The following ST8SIA3 variants were observed in gnomAD, a reference collection of about 807,000 sequenced individuals.
The protein encoded by ST8SIA3 is ST8 alpha-N-acetyl-neuraminide alpha-2,8-sialyltransferase 3, also known as alpha-N-acetylneuraminate alpha-2,8-sialyltransferase ST8SIA3.
A neutral mutation model predicts 34.5 loss-of-function variants in ST8SIA3; 17 were observed. The observed-to-expected ratio is 0.49, with a 90% CI of 0.34 to 0.74. The LOEUF is 0.74. ST8SIA3 is among the 30% of genes least tolerant of loss of function. The pLI, the probability that ST8SIA3 is intolerant of heterozygous loss-of-function variation, is 0.01. For synonymous variants in ST8SIA3, 172 were observed against 176.1 expected (o/e 0.98, Z 0.19); for missense variants, 354 against 467.8 (o/e 0.76, Z 2.24).
chr18:57,356,019 A>G (rs143490583), intron 2 of ST8SIA3, among the ~76,000 whole-genome samples: 77 of 152,362 alleles, frequency 5.1e-4, no homozygotes, highest in African/African-American at 1.7e-3. Context: ...GGCAAAAGTT[A>G]TAAGAAATTC....
chr18:57,357,316 A>C lies in ST8SIA3; in HGVS notation c.706A>C (p.Lys236Gln). Reference sequence around the variant, plus strand: ...CCGTAACAACTTTTTCCTCAGTTTAAAAAAGCTTGACGGGGCCATTCTTTG... The same window carrying C: ...CCGTAACAACTTTTTCCTCAGTTTACAAAAGCTTGACGGGGCCATTCTTTG... Reference protein sequence around the residue: ...QDRNNFFLSLKKLDGAILWIP... With the variant: ...QDRNNFFLSLQKLDGAILWIP... Residue 236 changes from lysine to glutamine, a missense_variant, in exon 3 of 4, where the codon AAA becomes CAA. By Grantham distance (53) the Lys-to-Gln change is moderately conservative (BLOSUM62 1). This residue lies in a region of ST8SIA3 where 166 missense variants were observed against 245.2 expected (regional missense o/e 0.68). Transcript: ENST00000324000. The C allele has an allele frequency of 6.2e-7, 1 of 1,614,020 alleles. No individual in the cohort carries two copies. The highest frequency in any genetic ancestry group is 1.1e-5 in the South Asian group (1 of 91,068).
In ST8SIA3 at chr18:57,366,083, G is replaced by A. The variant is rs1313605267; in HGVS notation, c.*5806G>A. The A allele has an allele frequency of 2.0e-5, 3 of 152,108 alleles. No individual in the cohort carries two copies. The highest frequency in any genetic ancestry group is 7.2e-5 in the African/African-American group (3 of 41,406). 9.4% of individuals were successfully genotyped at this position (152,108 alleles called of 1,614,324 possible). A position where few individuals can be genotyped will look rare whatever the true frequency, so the allele number is the denominator to read the frequency against. The stretch of plus-strand genomic sequence containing the variant: ...CAACCAGCTGAAAACACAACAATAT[G>A]TTTTCAAGAGCCAGTATAAGTTGGC... On this transcript the variant is annotated 3_prime_UTR_variant, in exon 4 of 4. Transcript: ENST00000324000.
In ST8SIA3 at chr18:57,352,941, C is replaced by A. The variant is rs2049773333; in HGVS notation, c.95C>A (p.Ser32Tyr). 1 of 1,613,424 alleles carries A rather than the reference C, an allele frequency of 6.2e-7. No homozygotes were observed. The highest frequency in any genetic ancestry group is 8.5e-7 in the Non-Finnish European group (1 of 1,179,944). Residue 32 changes from serine (S) to tyrosine (Y), a missense_variant, in exon 1 of 4, where the codon TCC becomes TAC. Ser to Tyr is a moderately radical substitution (Grantham distance 144). Coordinates refer to ENST00000324000, the MANE Select transcript of ST8SIA3 (RefSeq NM_015879.3). ...LLILSLISYV[S>Y]LKKENIFTTP... ...ATTTTATCGCTCATCAGCTACGTGTCCCTGAAAAAGGAGAACATCTTCACC... is the reference window on the plus strand; with the variant it reads ...ATTTTATCGCTCATCAGCTACGTGTACCTGAAAAAGGAGAACATCTTCACC...
intron 2 of ST8SIA3, among the ~76,000 whole-genome samples, chr18:57,356,634 T>TA (rs1225367355): frequency 6.6e-6 from 1 of 152,204 alleles, no homozygotes; most frequent in Non-Finnish European, 1.5e-5. Flanking sequence ...TCAAATAAGA[T>TA]ACACTCTTCA....
At position 57,364,027 on chromosome 18, in the gene ST8SIA3, G is replaced by C. The variant is rs1007373306; in HGVS notation, c.*3750G>C. ...AGAAAGTCTATAAAAGAGGAAAAAAGGTTCTCCTCTCCCTCCCAAAAATGA... is the reference window on the plus strand; with the variant it reads ...AGAAAGTCTATAAAAGAGGAAAAAACGTTCTCCTCTCCCTCCCAAAAATGA... On this transcript the variant is annotated 3_prime_UTR_variant, in exon 4 of 4. Coordinates refer to ENST00000324000, the MANE Select transcript of ST8SIA3 (RefSeq NM_015879.3). The C allele has an allele frequency of 6.6e-6, 1 of 152,090 alleles. No individual in the cohort carries two copies. Among genetic ancestry groups the C allele is most frequent in the Non-Finnish European group, 1.5e-5 (1 of 68,020 alleles). 9.4% of individuals were successfully genotyped at this position (152,090 alleles called of 1,614,324 possible).
chr18:57,356,690 A>C (rs1172022066), intron 2 of ST8SIA3, among the ~76,000 whole-genome samples: 4 of 152,354 alleles, frequency 2.6e-5, no homozygotes, highest in Admixed American at 1.3e-4. Context: ...TGTAAGTTGC[A>C]TTTACAAGCC....
At chr18:57,353,938 G>A (rs546669139) in intron 1 of ST8SIA3, among the ~76,000 whole-genome samples, 1 of 152,336 alleles carries the variant, frequency 6.6e-6, no homozygotes, top group East Asian at 1.9e-4. Flanking sequence ...GAAATCGGAC[G>A]TGGGTTTGGG....
chr18:57,354,627 A>C, intron 2 of ST8SIA3, 103 bp downstream of exon 2: 16 of 1,344,058 alleles, frequency 1.2e-5, no homozygotes, highest in East Asian at 4.8e-5. Flanking sequence ...AACAACAAAC[A>C]TCTATACGCC....
intron 3 of ST8SIA3, among the ~76,000 whole-genome samples, chr18:57,358,720 A>G (rs563286023): frequency 6.6e-6 from 1 of 152,318 alleles, no homozygotes; most frequent in African/African-American, 2.4e-5. Flanking sequence ...AAGTTTAAAG[A>G]TGAATCAACT....
At chr18:57,354,286 G>A in intron 1 of ST8SIA3, 116 bp from the exon 2 acceptor site, 2 of 1,346,080 alleles carry the variant, frequency 1.5e-6, no homozygotes, top group East Asian at 2.3e-5. Flanking sequence ...CTCCGGGACG[G>A]AACGGAGCCC....
At chr18:57,354,370 G>C in intron 1 of ST8SIA3, 32 bp from the exon 2 acceptor site, 1 of 1,613,076 alleles carries the variant, frequency 6.2e-7, no homozygotes, top group Non-Finnish European at 8.5e-7. Context: ...GCTGAGGCCA[G>C]CACGCTTGTC....
rs1395426060 is a variant in ST8SIA3 at position 57,368,829 on chromosome 18, T to C, written c.*8552T>C. The C allele has an allele frequency of 6.6e-6, 1 of 152,276 alleles. No homozygotes were observed. The highest frequency in any genetic ancestry group is 1.5e-5 in the Non-Finnish European group (1 of 68,052). 9.4% of individuals were successfully genotyped at this position (152,276 alleles called of 1,614,324 possible). ...CCATTTGCTTCGACAGCTCCTCAAA[T>C]GTACTTGTTAAGTGTGAATGTGCCT... is the stretch of plus-strand genomic sequence containing the variant. On this transcript the variant is annotated 3_prime_UTR_variant, in exon 4 of 4. Coordinates refer to ENST00000324000, the MANE Select transcript of ST8SIA3 (RefSeq NM_015879.3).
At chr18:57,353,827 C>A (rs769588388) in intron 1 of ST8SIA3, among the ~76,000 whole-genome samples, 1 of 152,320 alleles carries the variant, frequency 6.6e-6, no homozygotes, top group Admixed American at 6.5e-5. Context: ...ACCTGTGGTC[C>A]AAGCTGGGAC....
rs1266043012 is a variant in ST8SIA3, at chr18:57,352,606, G to A, written c.-241G>A. On this transcript the variant is annotated 5_prime_UTR_variant, in exon 1 of 4. Transcript: ENST00000324000. ...CCTCCATCTTCCTGCTCGGCACCGG[G>A]CCCCGCGCGCCCCTGCCTACGGGGT... The A allele has an allele frequency of 1.9e-6, 1 of 517,742 alleles. No homozygotes were observed. 32.1% of individuals were successfully genotyped at this position (517,742 alleles called of 1,614,324 possible). A position where few individuals can be genotyped will look rare whatever the true frequency, so the allele number is the denominator to read the frequency against.
At position 57,364,813 on chromosome 18, in the gene ST8SIA3, G is replaced by A. The variant is rs1021064855; in HGVS notation, c.*4536G>A. ...ACATAGATAACAGCATTTGAAATGG[G>A]AAACACTTTAGAATGTCATTATTGT... On this transcript the variant is annotated 3_prime_UTR_variant, in exon 4 of 4. Transcript: ENST00000324000. 1 of 152,586 alleles carries A rather than the reference G, an allele frequency of 6.6e-6. No individual in the cohort carries two copies. Among genetic ancestry groups the A allele is most frequent in the African/African-American group, 2.4e-5 (1 of 41,430 alleles). The allele number at this position is 152,586 out of a possible 1,614,324, so 9.5% of individuals were successfully genotyped here. A position where few individuals can be genotyped will look rare whatever the true frequency, so the allele number is the denominator to read the frequency against.
chr18:57,359,278 A>G (rs2049816015), intron 3 of ST8SIA3, among the ~76,000 whole-genome samples: 1 of 152,228 alleles, frequency 6.6e-6, no homozygotes, highest in South Asian at 2.1e-4. Flanking sequence ...TAAATATGGA[A>G]GGACTAATAA....
At chr18:57,356,009 G>A (rs553752867) in intron 2 of ST8SIA3, among the ~76,000 whole-genome samples, 21 of 152,260 alleles carry the variant, frequency 1.4e-4, no homozygotes, top group African/African-American at 5.1e-4. Context: ...GCTACATTTA[G>A]GCAAAAGTTA....
At chr18:57,354,274 G>C in intron 1 of ST8SIA3, 128 bp from the exon 2 acceptor site, 1 of 1,178,958 alleles carries the variant, frequency 8.5e-7, no homozygotes, top group Non-Finnish European at 1.2e-6. Context: ...AAATGAGAGG[G>C]GCTCCGGGAC....
Position 57,361,053 on chromosome 18 carries a change from T to C in ST8SIA3, c.*776T>C, listed in dbSNP as rs1204175384. 1 of 152,222 alleles carries C rather than the reference T, an allele frequency of 6.6e-6. No individual in the cohort carries two copies. The highest frequency in any genetic ancestry group is 2.4e-5 in the African/African-American group (1 of 41,442). The allele number at this position is 152,222 out of a possible 1,614,324, so 9.4% of individuals were successfully genotyped here. ...TGAGTGGGATATAAGGCAGTGCATCTTTCATGATCACAAAGAAAGCCTATG... is the reference window on the plus strand; with the variant it reads ...TGAGTGGGATATAAGGCAGTGCATCCTTCATGATCACAAAGAAAGCCTATG... On this transcript the variant is annotated 3_prime_UTR_variant, in exon 4 of 4. Coordinates refer to ENST00000324000, the MANE Select transcript of ST8SIA3 (RefSeq NM_015879.3).
Sources: gnomAD v4.1 joint callset for allele counts (sites outside exome capture counted in the v4.1 genomes callset) on GRCh38, gnomAD v4.1.1 for gene constraint, gnomAD v4.1.1 regional missense constraint, MANE v1.5 for transcripts, NCBI Gene and HGNC (gene_info 2026-07-23, HGNC 2026-07-21) for gene names.